RNF212B: variants seen among roughly 807,000 people sequenced by gnomAD.
RNF212B encodes the protein ring finger protein 212B, also known as E3 ubiquitin-protein ligase RNF212B.
A neutral mutation model predicts 55.5 loss-of-function variants in RNF212B; 52 were observed. The ratio of observed to expected loss-of-function variants is 0.94; its 90% CI spans 0.75 to 1.18. RNF212B has a LOEUF of 1.18. RNF212B is among the 50% of genes most tolerant of loss of function. The probability of loss-of-function intolerance (pLI) is 0.00; values close to 1 mark genes in which losing one functional copy is unlikely to be tolerated. For missense variants in RNF212B, 289 were observed against 350.4 expected (o/e 0.82, Z 1.40); for synonymous variants, 99 against 121.4 (o/e 0.82, Z 1.21).
chr14:23,203,820 T>C (rs1317200943), intron 2 of RNF212B, among the ~76,000 whole-genome samples: 2 of 152,212 alleles, frequency 1.3e-5, no homozygotes, highest in Non-Finnish European at 2.9e-5. Flanking sequence ...TTTTCCCTAG[T>C]GGCTGTACTA....
At chr14:23,258,067 G>A (rs150776318) in intron 4 of RNF212B, among the ~76,000 whole-genome samples, 27 of 152,228 alleles carry the variant, frequency 1.8e-4, no homozygotes, top group Non-Finnish European at 2.8e-4. Flanking sequence ...GGCCGGGTGC[G>A]GTGGCTCACG....
chr14:23,232,260 A>G (rs186153577), intron 2 of RNF212B, among the ~76,000 whole-genome samples: 25,675 of 130,892 alleles, frequency 0.2, 2,205 homozygotes, highest in African/African-American at 0.2. Flanking sequence ...CCGCCGCCCC[A>G]TCTGGGATGT....
chr14:23,215,705 T>C (rs1021947111), intron 2 of RNF212B, among the ~76,000 whole-genome samples: 14 of 152,104 alleles, frequency 9.2e-5, no homozygotes, highest in Non-Finnish European at 1.5e-4. Context: ...CATGAGCAGA[T>C]GTACCCTAAA....
intron 6 of RNF212B, 113 bp from the exon 7 acceptor site, chr14:23,260,539 GAGTCTTA>G (rs1885216356): frequency 1.2e-6 from 1 of 843,454 alleles, no homozygotes. Flanking sequence ...CTCCTACTGG[GAGTCTTA>G]GCAACCATGA....
At chr14:23,243,717 A>AAAAAGC (rs1566424491) in intron 3 of RNF212B, among the ~76,000 whole-genome samples, 5 of 116,842 alleles carry the variant, frequency 4.3e-5, no homozygotes, top group East Asian at 2.3e-4. Flanking sequence ...AAAAAAAAAA[A>AAAAAGC]AAGCAAGCAA....
At chr14:23,227,446 G>T (rs1407872926) in intron 2 of RNF212B, among the ~76,000 whole-genome samples, 1 of 152,060 alleles carries the variant, frequency 6.6e-6, no homozygotes, top group Admixed American at 6.6e-5. Context: ...TCTGATCAGG[G>T]TGGCTGATTA....
In RNF212B at chr14:23,221,345, A is replaced by G. The variant is rs543476317; in HGVS notation, c.-1-19000A>G. On this transcript the variant is annotated intron_variant, in intron 2 of 15. Coordinates refer to the RNF212B transcript ENST00000399910. Reference sequence around the variant, plus strand: ...AAACCAAAAAAGAGCAAGAATAGCTATAGTTATAAAAGACAAAATAGATTT... The same window carrying G: ...AAACCAAAAAAGAGCAAGAATAGCTGTAGTTATAAAAGACAAAATAGATTT... Among the ~76,000 whole-genome samples, 26 of 152,392 alleles carry G rather than the reference A, an allele frequency of 1.7e-4. 1 individual carries two copies. Among genetic ancestry groups the G allele is most frequent in the African/African-American group, 6.0e-4 (25 of 41,600 alleles).
In RNF212B at chr14:23,268,935, C is replaced by A; in HGVS notation, c.646C>A (p.Pro216Thr). ...PRDSYNETPS[P>T]ASTHSLSYRT... ...TTTATGCTTTCCAGAAACCCCTTCA[C>A]CGGCTTCAACTCATAGCCTATCTTA... Residue 216 changes from proline (P) to threonine (T), a missense_variant, in exon 12 of 15, where the codon CCG becomes ACG. Transcript: ENST00000430154. 1 of 1,550,460 alleles carries A rather than the reference C, an allele frequency of 6.4e-7. No individual in the cohort carries two copies. The highest frequency in any genetic ancestry group is 8.7e-7 in the Non-Finnish European group (1 of 1,146,572).
intron 2 of RNF212B, among the ~76,000 whole-genome samples, chr14:23,210,956 G>A (rs554841584): frequency 2.0e-5 from 3 of 151,776 alleles, no homozygotes; most frequent in South Asian, 4.2e-4. Context: ...TATAAACAGT[G>A]TTAAAGCAAC....
chr14:23,235,129 T>C (rs1010811926), upstream of RNF212B, among the ~76,000 whole-genome samples: 6 of 152,072 alleles, frequency 3.9e-5, no homozygotes, highest in Non-Finnish European at 8.8e-5. Flanking sequence ...GGAGAATTGC[T>C]TGAACCCAGT....
At chr14:23,239,130 C>T (rs1268558307) in intron 1 of RNF212B, among the ~76,000 whole-genome samples, 1 of 152,150 alleles carries the variant, frequency 6.6e-6, no homozygotes, top group East Asian at 1.9e-4. Context: ...GTGGCACGAT[C>T]TTGGCTCACT....
chr14:23,268,889 G>T, intron 11 of RNF212B, 35 bp from the exon 12 acceptor site: 1 of 1,535,612 alleles, frequency 6.5e-7, no homozygotes, highest in Non-Finnish European at 8.8e-7. Context: ...TCCAGTTCAT[G>T]GATTATCTCA....
Position 23,240,398 on chromosome 14 carries a change from T to C in RNF212B, c.53T>C (p.Phe18Ser). The change falls in exon 2 of 15, where the codon TTT becomes TCT. Residue 18 changes from phenylalanine to serine, a missense_variant. Phe to Ser is a radical substitution (Grantham distance 155, BLOSUM62 -2). Coordinates refer to ENST00000430154, the MANE Select transcript of RNF212B (RefSeq NM_001282322.3). ...QCFRKDGAHF[F>S]VTSCGHIFCK... is the part of the protein sequence containing the mutation. ...TTCCGAAAAGATGGGGCCCATTTCTTTGTCACCAGCTGTGGCCATATTTTC... is the reference window on the plus strand; with the variant it reads ...TTCCGAAAAGATGGGGCCCATTTCTCTGTCACCAGCTGTGGCCATATTTTC... 6.4e-7 allele frequency: 1 copy of C among 1,550,514 alleles called. No individual in the cohort carries two copies. Among genetic ancestry groups the C allele is most frequent in the Non-Finnish European group, 8.7e-7 (1 of 1,146,930 alleles).
At chr14:23,195,782 ACAAGGAATTT>A in intron 2 of RNF212B, among the ~76,000 whole-genome samples, 1 of 152,336 alleles carries the variant, frequency 6.6e-6, no homozygotes, top group East Asian at 1.9e-4. Flanking sequence ...ACTTCATGTA[ACAAGGAATTT>A]CATCATGTTT....
At chr14:23,227,477 G>A (rs1327513548) in intron 2 of RNF212B, among the ~76,000 whole-genome samples, 1 of 151,910 alleles carries the variant, frequency 6.6e-6, no homozygotes, top group Non-Finnish European at 1.5e-5. Context: ...TTGAGTTTGT[G>A]GAAATTCAGT....
At chr14:23,218,188 G>A (rs1014710551) in intron 2 of RNF212B, among the ~76,000 whole-genome samples, 1 of 148,040 alleles carries the variant, frequency 6.8e-6, no homozygotes, top group African/African-American at 2.6e-5. Context: ...CTAACACGGT[G>A]AAACCCCGTC....
At chr14:23,205,315 CTTT>C (rs35632337) in intron 2 of RNF212B, among the ~76,000 whole-genome samples, 1 of 144,626 alleles carries the variant, frequency 6.9e-6, no homozygotes, top group African/African-American at 2.5e-5. Flanking sequence ...AAAGGACACC[CTTT>C]TTTTTTTTTA....
intron 2 of RNF212B, among the ~76,000 whole-genome samples, chr14:23,229,220 T>TTTTATATATATATA (rs1183907201): frequency 5.2e-4 from 34 of 65,020 alleles, no homozygotes; most frequent in Non-Finnish European, 6.0e-4. Flanking sequence ...GAATAATATT[T>TTTTATATATATATA]TATATATATA....
exon 1 of RNF212B, chr14:23,185,463 A>T (rs1202043811): frequency 2.0e-5 from 3 of 152,212 alleles, no homozygotes; most frequent in African/African-American, 7.2e-5. Context: ...TCACCATATA[A>T]AACAAATAAT....
Sources: allele counts gnomAD v4.1 joint callset (sites outside exome capture counted in the v4.1 genomes callset), GRCh38; gene constraint gnomAD v4.1.1; transcripts MANE v1.5; gene names NCBI Gene and HGNC (gene_info 2026-07-23, HGNC 2026-07-21).